The following RBFOX1 variants were observed in gnomAD, a reference collection of about 807,000 sequenced individuals.
The protein encoded by RBFOX1 is RNA binding protein fox-1 homolog 1.
Under a neutral mutation model 57.7 loss-of-function variants are expected in RBFOX1, and 8 were observed. The ratio of observed to expected loss-of-function variants is 0.14; its 90% CI spans 0.08 to 0.25. The LOEUF (loss-of-function observed/expected upper bound fraction) is 0.25. Ranked by LOEUF, RBFOX1 falls within the 10% of genes least tolerant of loss-of-function variation. RBFOX1 has a pLI of 1.00. For synonymous variants in RBFOX1, 326 were observed against 222.4 expected, an observed-to-expected ratio of 1.47 and a Z score of -4.15; for missense variants, 611 against 548.5, an observed-to-expected ratio of 1.11 and a Z score of -1.14.
intron 4 of RBFOX1, among the ~76,000 whole-genome samples, chr16:7,404,711 A>G (rs895480201): frequency 6.6e-6 from 1 of 152,208 alleles, no homozygotes; most frequent in Non-Finnish European, 1.5e-5. Context: ...AGAAAAAACA[A>G]ACAAACAAAC....
At chr16:7,145,326 T>C (rs1432467601) in intron 4 of RBFOX1, among the ~76,000 whole-genome samples, 1 of 152,160 alleles carries the variant, frequency 6.6e-6, no homozygotes, top group Non-Finnish European at 1.5e-5. Flanking sequence ...TGCCTTAGCC[T>C]CCCGATTAGC....
chr16:5,872,735 T>TA (rs989366944), intron 4 of RBFOX1, among the ~76,000 whole-genome samples: 38 of 150,546 alleles, frequency 2.5e-4, no homozygotes, highest in African/African-American at 8.1e-4. Flanking sequence ...GACCCTGTCT[T>TA]AAAAAAAAAG....
At chr16:7,416,769 A>G (rs1374994517) in intron 4 of RBFOX1, among the ~76,000 whole-genome samples, 1 of 152,194 alleles carries the variant, frequency 6.6e-6, no homozygotes, top group Admixed American at 6.5e-5. Context: ...CTAGTTGTGA[A>G]TAATAATGAC....
At chr16:7,556,432 A>G (rs1016255693) in intron 5 of RBFOX1, among the ~76,000 whole-genome samples, 2 of 152,222 alleles carry the variant, frequency 1.3e-5, no homozygotes, top group East Asian at 3.8e-4. Context: ...GGTACCCAAG[A>G]TAAATGTATG....
chr16:5,613,141 G>C (rs1436234745), intron 3 of RBFOX1, among the ~76,000 whole-genome samples: 1 of 152,176 alleles, frequency 6.6e-6, no homozygotes, highest in Non-Finnish European at 1.5e-5. Flanking sequence ...GCCTCAGTTG[G>C]AGCAGGGGAC....
Position 6,996,154 on chromosome 16 carries a change from A to T in RBFOX1, c.-15-55903A>T, listed in dbSNP as rs566399606. ...TATCCTAATTATCTGAAACTTGGTC[A>T]TCTGAAATAACATGGCAGTTCCCGA... On this transcript the variant is annotated intron_variant, in intron 3 of 15. Coordinates refer to ENST00000550418, the MANE Select transcript of RBFOX1 (RefSeq NM_018723.4). Among the ~76,000 whole-genome samples, 104 of 152,320 alleles carry T rather than the reference A, an allele frequency of 6.8e-4. 1 individual carries two copies. The South Asian group carries it at 9.1e-3, about 13-fold the overall frequency.
At chr16:5,297,954 A>C (rs1482542204) in intron 1 of RBFOX1, among the ~76,000 whole-genome samples, 1 of 152,198 alleles carries the variant, frequency 6.6e-6, no homozygotes, top group South Asian at 2.1e-4. Context: ...CATAGAAAGC[A>C]AGGTGTAGCC....
rs117266304 is a variant in RBFOX1 at position 6,165,386 on chromosome 16, C to T, written c.-127+145394C>T. On this transcript the variant is annotated intron_variant, in intron 1 of 15. Coordinates refer to ENST00000550418, the MANE Select transcript of RBFOX1 (RefSeq NM_018723.4). ...AACAATCGTGCAGTCCTGTTATCCA[C>T]GTGGCATGAGTTACAGGGTTCATTA... Among the ~76,000 whole-genome samples the T allele has an allele frequency of 6.3e-4, 96 of 152,218 alleles. No homozygotes were observed. The East Asian group carries it at 0.016, about 26-fold the overall frequency.
At position 7,305,119 on chromosome 16, in the gene RBFOX1, TTG is replaced by T. The variant is rs375536750; in HGVS notation, c.28-213017_28-213016del. Among the ~76,000 whole-genome samples the T allele has an allele frequency of 6.7e-5, 10 of 148,746 alleles. No homozygotes were observed. In the South Asian group the frequency reaches 1.7e-3, roughly 26 times the overall value. The stretch of plus-strand genomic sequence containing the variant: ...TCTTTGTTGGCATGTGTTAGGGTGT[TTG>T]TGTGTGTGTGCGTGTGTGGGTTTTT... On this transcript the variant is annotated intron_variant, in intron 4 of 15. Transcript: ENST00000550418.
chr16:6,369,278 A>G (rs2090098709), intron 2 of RBFOX1, among the ~76,000 whole-genome samples: 1 of 152,140 alleles, frequency 6.6e-6, no homozygotes, highest in Non-Finnish European at 1.5e-5. Flanking sequence ...CTTCAAATTC[A>G]CCTAATTTTA....
chr16:6,833,182 C>T (rs1346101357), intron 3 of RBFOX1, among the ~76,000 whole-genome samples: 2 of 150,740 alleles, frequency 1.3e-5, no homozygotes, highest in African/African-American at 4.9e-5. Flanking sequence ...TATTTATTTA[C>T]TGAGACGGGG....
intron 4 of RBFOX1, among the ~76,000 whole-genome samples, chr16:7,084,364 A>G (rs985931006): frequency 1.3e-5 from 2 of 152,196 alleles, no homozygotes; most frequent in Admixed American, 6.5e-5. Context: ...ATGTGGATAG[A>G]AAAAAGCATA....
intron 3 of RBFOX1, among the ~76,000 whole-genome samples, chr16:6,914,888 A>C (rs774549689): frequency 6.6e-6 from 1 of 152,192 alleles, no homozygotes; most frequent in Non-Finnish European, 1.5e-5. Flanking sequence ...ACCCTCTCAA[A>C]AACAAAACAC....
At chr16:6,367,688 G>A (rs573941123) in intron 2 of RBFOX1, among the ~76,000 whole-genome samples, 5 of 151,632 alleles carry the variant, frequency 3.3e-5, no homozygotes, top group African/African-American at 1.2e-4. Flanking sequence ...CATAGGATGG[G>A]AGCCAATGCC....
chr16:6,231,919 C>T (rs540076248), intron 1 of RBFOX1, among the ~76,000 whole-genome samples: 1 of 126,772 alleles, frequency 7.9e-6, no homozygotes, highest in African/African-American at 3.2e-5. Flanking sequence ...TACATCAAAA[C>T]AATAGTCTGT....
chr16:5,799,106 C>A (rs368741812), intron 3 of RBFOX1, among the ~76,000 whole-genome samples: 1 of 152,102 alleles, frequency 6.6e-6, no homozygotes, highest in African/African-American at 2.4e-5. Context: ...GGAGGCCTCA[C>A]AATCATGGTG....
intron 2 of RBFOX1, among the ~76,000 whole-genome samples, chr16:6,613,448 G>C (rs2098097359): frequency 6.6e-6 from 1 of 152,046 alleles, no homozygotes; most frequent in African/African-American, 2.4e-5. Context: ...GAAACCCTTA[G>C]GCCCCCTTAA....
chr16:6,573,059 G>T (rs542874203), intron 2 of RBFOX1, among the ~76,000 whole-genome samples: 1 of 152,118 alleles, frequency 6.6e-6, no homozygotes, highest in Non-Finnish European at 1.5e-5. Context: ...ACTCAGATAG[G>T]ATAGTATTTT....
chr16:6,155,977 C>G (rs2096835686), intron 1 of RBFOX1, among the ~76,000 whole-genome samples: 2 of 152,102 alleles, frequency 1.3e-5, no homozygotes, highest in Non-Finnish European at 2.9e-5. Flanking sequence ...TTAATCCTCC[C>G]CACTCTTCGT....
Sources: allele counts gnomAD v4.1 joint callset (sites outside exome capture counted in the v4.1 genomes callset), GRCh38; gene constraint gnomAD v4.1.1; transcripts MANE v1.5; gene names NCBI Gene and HGNC (gene_info 2026-07-23, HGNC 2026-07-21).